The following TMEM135 variants were observed in gnomAD, a reference collection of about 807,000 sequenced individuals.
TMEM135 encodes transmembrane protein 135.
In TMEM135, 30 loss-of-function variants were observed where a neutral mutation model predicts 60.3. The ratio of observed to expected loss-of-function variants is 0.50; its 90% CI spans 0.37 to 0.68. The LOEUF is 0.68. TMEM135 is among the 30% of genes least tolerant of loss of function. The pLI is 0.00. For missense variants in TMEM135, 468 were observed against 548.8 expected, an observed-to-expected ratio of 0.85 and a Z score of 1.47; for synonymous variants, 190 against 186.7, an observed-to-expected ratio of 1.02 and a Z score of -0.14.
intron 4 of TMEM135, among the ~76,000 whole-genome samples, chr11:87,142,022 C>T (rs1035838497): frequency 6.6e-6 from 1 of 152,090 alleles, no homozygotes; most frequent in South Asian, 2.1e-4. Flanking sequence ...AATGAAGGAA[C>T]CCAAGGACTT....
chr11:87,170,064 A>C (rs1345314815), intron 5 of TMEM135, among the ~76,000 whole-genome samples: 1 of 143,506 alleles, frequency 7.0e-6, no homozygotes. Flanking sequence ...TCCTTTTTCC[A>C]CTTGATCAGT....
intron 1 of TMEM135, among the ~76,000 whole-genome samples, chr11:87,063,481 G>A (rs1044715916): frequency 6.6e-6 from 1 of 152,164 alleles, no homozygotes; most frequent in Non-Finnish European, 1.5e-5. Flanking sequence ...GAGTGCAAGT[G>A]CTATTGTAAT....
chr11:87,321,061 G>C (rs1942811052), intron 14 of TMEM135, 140 bp from the exon 15 acceptor site: 7 of 677,578 alleles, frequency 1.0e-5, no homozygotes, highest in South Asian at 2.1e-5. Context: ...CATGTGACTT[G>C]AATCTGCCAT....
At chr11:87,063,331 T>C (rs1166434765) in intron 1 of TMEM135, among the ~76,000 whole-genome samples, 1 of 152,166 alleles carries the variant, frequency 6.6e-6, no homozygotes, top group African/African-American at 2.4e-5. Flanking sequence ...TTTAGCTAAA[T>C]CTTTATATGC....
chr11:87,213,168 G>C (rs942322224), intron 5 of TMEM135, among the ~76,000 whole-genome samples: 6 of 152,096 alleles, frequency 3.9e-5, no homozygotes, highest in African/African-American at 1.4e-4. Flanking sequence ...ATTTCTGCTG[G>C]ATCTGTTTCT....
At chr11:87,079,795 A>T (rs900509381) in intron 3 of TMEM135, among the ~76,000 whole-genome samples, 4 of 150,010 alleles carry the variant, frequency 2.7e-5, no homozygotes, top group African/African-American at 9.8e-5. Flanking sequence ...GCTTTTCTGC[A>T]TCTATTGATA....
intron 5 of TMEM135, among the ~76,000 whole-genome samples, chr11:87,183,135 A>ATTTTTTTTT (rs772123636): frequency 1.1e-5 from 1 of 92,608 alleles, no homozygotes; most frequent in Non-Finnish European, 2.0e-5. Flanking sequence ...GTAATCACTA[A>ATTTTTTTTT]TTTTTTTTTT....
chr11:87,144,383 A>G (rs938224035), intron 4 of TMEM135, among the ~76,000 whole-genome samples: 6 of 152,182 alleles, frequency 3.9e-5, no homozygotes, highest in African/African-American at 7.2e-5. Context: ...CAACTATTCA[A>G]TTCTGCTATT....
At chr11:87,041,391 A>G (rs1051083924) in intron 1 of TMEM135, among the ~76,000 whole-genome samples, 4 of 152,116 alleles carry the variant, frequency 2.6e-5, no homozygotes, top group Non-Finnish European at 4.4e-5. Context: ...CAAGTACAAA[A>G]TGATGCTTTC....
intron 5 of TMEM135, among the ~76,000 whole-genome samples, chr11:87,170,420 A>T (rs1453346885): frequency 6.6e-6 from 1 of 152,030 alleles, no homozygotes; most frequent in Non-Finnish European, 1.5e-5. Flanking sequence ...ATCTTTGTGA[A>T]TGTATCTACC....
intron 5 of TMEM135, among the ~76,000 whole-genome samples, chr11:87,176,597 A>G (rs563548770): frequency 6.6e-6 from 1 of 152,292 alleles, no homozygotes; most frequent in South Asian, 2.1e-4. Flanking sequence ...TTAATTTCAA[A>G]TAGGAGATTG....
chr11:87,244,085 C>T (rs1259914211), intron 6 of TMEM135, among the ~76,000 whole-genome samples: 1 of 84,192 alleles, frequency 1.2e-5, no homozygotes, highest in African/African-American at 4.7e-5. Flanking sequence ...TGTCAAAGGC[C>T]TTTTCTGCAT....
At chr11:87,107,055 C>G (rs1265808800) in intron 4 of TMEM135, among the ~76,000 whole-genome samples, 1 of 152,150 alleles carries the variant, frequency 6.6e-6, no homozygotes, top group African/African-American at 2.4e-5. Flanking sequence ...GGATCCAACC[C>G]CATGATACAA....
At position 87,324,606 on chromosome 11, in the gene TMEM135, T is replaced by A. The variant is rs1222469310; in HGVS notation, c.*3273T>A. The A allele has an allele frequency of 4.6e-6, 2 of 438,638 alleles. No homozygotes were observed. The highest frequency in any genetic ancestry group is 2.1e-5 in the African/African-American group (1 of 48,686). 27.2% of individuals were successfully genotyped at this position (438,638 alleles called of 1,614,324 possible). A position where few individuals can be genotyped will look rare whatever the true frequency, so the allele number is the denominator to read the frequency against. ...GGCTAATATTTATTTTATTTATTTT[T>A]TTTTTGTAGAAACAAGGTGTTGCTA... On this transcript the variant is annotated 3_prime_UTR_variant, in exon 15 of 15. Coordinates refer to ENST00000305494, the MANE Select transcript of TMEM135 (RefSeq NM_022918.4).
At chr11:87,270,582 C>CA (rs1157612096) in intron 6 of TMEM135, among the ~76,000 whole-genome samples, 1 of 152,154 alleles carries the variant, frequency 6.6e-6, no homozygotes, top group African/African-American at 2.4e-5. Context: ...TCAGAGGTTA[C>CA]ATCCTCTTTT....
At chr11:87,223,838 A>G (rs1171146265) in intron 5 of TMEM135, among the ~76,000 whole-genome samples, 1 of 140,274 alleles carries the variant, frequency 7.1e-6, no homozygotes, top group African/African-American at 2.5e-5. Context: ...TAAGAGAGCA[A>G]GACTGTCTAA....
At chr11:87,281,857 C>G (rs7128657) in intron 6 of TMEM135, among the ~76,000 whole-genome samples, 55,745 of 152,056 alleles carry the variant, frequency 0.37, 10,889 homozygotes, top group Non-Finnish European at 0.43. Flanking sequence ...TCTCTGTTAC[C>G]CTAAGGTACA....
At chr11:87,163,867 C>A (rs1297825152) in intron 5 of TMEM135, among the ~76,000 whole-genome samples, 1 of 145,168 alleles carries the variant, frequency 6.9e-6, no homozygotes, top group Non-Finnish European at 1.5e-5. Flanking sequence ...TGTCCTTCGC[C>A]CACTTTTTGA....
chr11:87,253,986 A>C (rs1486241932), intron 6 of TMEM135, among the ~76,000 whole-genome samples: 1 of 152,116 alleles, frequency 6.6e-6, no homozygotes, highest in Non-Finnish European at 1.5e-5. Context: ...TTTTAAAAAA[A>C]CATTTTTTCA....
Sources: allele counts gnomAD v4.1 joint callset (sites outside exome capture counted in the v4.1 genomes callset), GRCh38; gene constraint gnomAD v4.1.1; transcripts MANE v1.5; gene names NCBI Gene and HGNC (gene_info 2026-07-23, HGNC 2026-07-21).